Variants in KCNN2 observed in about 807,000 individuals in gnomAD.
KCNN2 encodes potassium calcium-activated channel subfamily N member 2, also known as small conductance calcium-activated potassium channel protein 2.
KCNN2 carries 24 observed loss-of-function variants against 55.5 expected under a neutral mutation model. The ratio of observed to expected loss-of-function variants is 0.43; its 90% confidence interval spans 0.31 to 0.61. The LOEUF (loss-of-function observed/expected upper bound fraction) is 0.61. Ranked by LOEUF, KCNN2 falls within the 20% of genes least tolerant of loss-of-function variation. KCNN2 has a pLI of 0.08. For missense variants in KCNN2, 754 were observed against 853.6 expected (o/e 0.88, Z 1.45); for synonymous variants, 431 against 336.1 (o/e 1.28, Z -3.09).
intron 5 of KCNN2, among the ~76,000 whole-genome samples, chr5:114,483,191 T>C (rs772659040): frequency 1.3e-5 from 2 of 151,938 alleles, no homozygotes; most frequent in Non-Finnish European, 2.9e-5. Flanking sequence ...TCTCCTGGCC[T>C]GTATACTTGT....
At position 114,086,186 on chromosome 5, in the gene KCNN2, C is replaced by T. The variant is rs571361404; in HGVS notation, c.-271+29686C>T. 1.0e-3 allele frequency among the ~76,000 whole-genome samples: 155 copies of T among 152,168 alleles called. 1 individual carries two copies. Among genetic ancestry groups the T allele is most frequent in the African/African-American group, 3.6e-3 (150 of 41,528 alleles). On this transcript the variant is annotated intron_variant, in intron 1 of 10. Coordinates refer to the KCNN2 transcript ENST00000512097. ...ACATTTAACAGGCATTTCTTATAGA[C>T]AGTATATAGCTGTGTGTTTGCTCAT...
chr5:114,489,187 A>G (rs557132916), intron 6 of KCNN2, among the ~76,000 whole-genome samples: 5 of 152,302 alleles, frequency 3.3e-5, no homozygotes, highest in African/African-American at 4.8e-5. Flanking sequence ...CTTCTGGACT[A>G]TTATGTTCAG....
At chr5:114,292,488 G>C (rs1415431486) in intron 2 of KCNN2, among the ~76,000 whole-genome samples, 1 of 152,214 alleles carries the variant, frequency 6.6e-6, no homozygotes, top group African/African-American at 2.4e-5. Flanking sequence ...GTTTGTCAAA[G>C]ATCAGATAGT....
chr5:114,462,845 A>ATGAT (rs1430699943), intron 3 of KCNN2, among the ~76,000 whole-genome samples: 2 of 152,230 alleles, frequency 1.3e-5, no homozygotes, highest in African/African-American at 4.8e-5. Context: ...TCTCTTTCAG[A>ATGAT]TGATATATAA....
chr5:114,062,903 A>T (rs1750361669), intron 1 of KCNN2, among the ~76,000 whole-genome samples: 1 of 152,220 alleles, frequency 6.6e-6, no homozygotes, highest in African/African-American at 2.4e-5. Flanking sequence ...GGTAAACTTC[A>T]TTCCAAGCTA....
intron 1 of KCNN2, among the ~76,000 whole-genome samples, chr5:114,065,884 C>T (rs1414419808): frequency 5.9e-4 from 14 of 23,776 alleles, no homozygotes; most frequent in Middle Eastern, 0.022. Flanking sequence ...TTTTTTTTTG[C>T]AATGGGGAAA....
At chr5:114,201,700 C>A (rs56279413) in intron 1 of KCNN2, among the ~76,000 whole-genome samples, 2 of 151,790 alleles carry the variant, frequency 1.3e-5, no homozygotes, top group Admixed American at 1.3e-4. Context: ...CCAGAGAAGG[C>A]GGGGTCCCTC....
At chr5:114,402,362 G>A (rs1264931910) in intron 2 of KCNN2, among the ~76,000 whole-genome samples, 1 of 152,178 alleles carries the variant, frequency 6.6e-6, no homozygotes, top group Non-Finnish European at 1.5e-5. Flanking sequence ...GAATAAGTGA[G>A]AAAACAAACA....
chr5:114,422,590 C>T (rs531778833), intron 3 of KCNN2, among the ~76,000 whole-genome samples: 1 of 152,290 alleles, frequency 6.6e-6, no homozygotes, highest in South Asian at 2.1e-4. Context: ...AGAAAAAAGA[C>T]TGAATGTACA....
chr5:114,363,131 A>G lies in KCNN2; in HGVS notation c.992A>G (p.Tyr331Cys). ...SSKKKNQNIG[Y>C]KLGHRRALFE... is the part of the protein sequence containing the mutation. ...AAAAAGAAAAACCAGAACATCGGCT[A>G]CAAGCTGGGCCACCGGCGCGCCCTG... Residue 331 changes from tyrosine to cysteine, a missense_variant, in exon 1 of 8, where the codon TAC becomes TGC. Tyr to Cys is a radical substitution (Grantham distance 194, BLOSUM62 -2). Around this residue, in one of 4 missense-constraint regions of KCNN2, gnomAD observed 123 missense variants for 204.9 expected, o/e 0.60. Coordinates refer to ENST00000673685, the MANE Select transcript of KCNN2 (RefSeq NM_021614.4). 1 of 1,613,466 alleles carries G rather than the reference A, an allele frequency of 6.2e-7. No individual in the cohort carries two copies. The highest frequency in any genetic ancestry group is 8.5e-7 in the Non-Finnish European group (1 of 1,179,992).
chr5:114,208,656 T>C (rs1580620148), intron 1 of KCNN2, among the ~76,000 whole-genome samples: 1 of 152,186 alleles, frequency 6.6e-6, no homozygotes, highest in South Asian at 2.1e-4. Context: ...TATATGATTC[T>C]ATGAAAAATG....
chr5:114,409,560 G>A (rs1439798415), intron 3 of KCNN2, among the ~76,000 whole-genome samples: 1 of 152,124 alleles, frequency 6.6e-6, no homozygotes, highest in Non-Finnish European at 1.5e-5. Flanking sequence ...CATGTAAAAA[G>A]GGGAGATTCA....
chr5:114,149,380 C>A (rs1561496160), intron 1 of KCNN2, among the ~76,000 whole-genome samples: 2 of 152,146 alleles, frequency 1.3e-5, no homozygotes, highest in Non-Finnish European at 2.9e-5. Flanking sequence ...CAGCAGCCCA[C>A]AGTGCAGCGG....
chr5:114,144,578 C>G (rs189427535), intron 1 of KCNN2, among the ~76,000 whole-genome samples: 1 of 151,950 alleles, frequency 6.6e-6, no homozygotes, highest in South Asian at 2.1e-4. Flanking sequence ...TACGGGGAGC[C>G]AAATACCTTC....
chr5:114,496,094 T>A lies in KCNN2; in HGVS notation c.2288T>A (p.Val763Asp). ...CAGATGGAGAGCTACGACAAGCACG[T>A]CACTTACAATGCTGAGCGGTCCCGG... Reference protein sequence around the residue: ...EAQMESYDKHVTYNAERSRSS... With the variant: ...EAQMESYDKHDTYNAERSRSS... The change falls in exon 8 of 8, where the codon GTC becomes GAC. Residue 763 changes from valine to aspartate, a missense_variant. By Grantham distance (152) the Val-to-Asp change is radical. This residue lies in a region of KCNN2 where 164 missense variants were observed against 156.6 expected (regional missense o/e 1.05). Coordinates refer to ENST00000673685, the MANE Select transcript of KCNN2 (RefSeq NM_021614.4). 1 of 1,613,978 alleles carries A rather than the reference T, an allele frequency of 6.2e-7. No homozygotes were observed. Among genetic ancestry groups the A allele is most frequent in the Non-Finnish European group, 8.5e-7 (1 of 1,179,956 alleles).
chr5:114,463,843 G>T (rs1761319424), intron 4 of KCNN2, among the ~76,000 whole-genome samples: 1 of 152,166 alleles, frequency 6.6e-6, no homozygotes, highest in African/African-American at 2.4e-5. Flanking sequence ...CTAGAAAATT[G>T]ATTTTTACGC....
intron 1 of KCNN2, among the ~76,000 whole-genome samples, chr5:114,204,463 C>T (rs913481477): frequency 5.3e-5 from 8 of 152,228 alleles, no homozygotes; most frequent in South Asian, 2.1e-4. Context: ...AATCAGATCT[C>T]TTGCCTTGAA....
intron 3 of KCNN2, among the ~76,000 whole-genome samples, chr5:114,433,069 G>T (rs890320651): frequency 3.9e-5 from 6 of 152,184 alleles, no homozygotes; most frequent in African/African-American, 1.4e-4. Context: ...TAGTGCGGGC[G>T]CACAGCACGG....
chr5:114,378,816 C>G (rs955347271), intron 2 of KCNN2, among the ~76,000 whole-genome samples: 2 of 151,968 alleles, frequency 1.3e-5, no homozygotes, highest in Admixed American at 6.6e-5. Flanking sequence ...TGAAGTGAGA[C>G]TCATTTGTTT....
Sources: gnomAD v4.1 joint callset for allele counts (sites outside exome capture counted in the v4.1 genomes callset) on GRCh38, gnomAD v4.1.1 for gene constraint, gnomAD v4.1.1 regional missense constraint, MANE v1.5 for transcripts, NCBI Gene and HGNC (gene_info 2026-07-23, HGNC 2026-07-21) for gene names.